EPB41L5: variants seen among roughly 807,000 people sequenced by gnomAD.
EPB41L5 encodes erythrocyte membrane protein band 4.1 like 5.
In EPB41L5, 55 loss-of-function variants were observed where a neutral mutation model predicts 106.6. That is an observed-to-expected ratio of 0.52 (90% CI 0.42 to 0.65). The LOEUF (loss-of-function observed/expected upper bound fraction) is 0.65. EPB41L5 is among the 30% of genes least tolerant of loss of function. EPB41L5 has a pLI of 0.00. For missense variants in EPB41L5, 871 were observed against 882.1 expected (o/e 0.99, Z 0.16); for synonymous variants, 297 against 306.7 (o/e 0.97, Z 0.33).
intron 3 of EPB41L5, among the ~76,000 whole-genome samples, chr2:120,057,715 A>G (rs1306151886): frequency 1.4e-5 from 2 of 147,140 alleles, no homozygotes; most frequent in Middle Eastern, 3.4e-3. Context: ...ATGGTAATAT[A>G]TTCTTTCTTG....
rs73948993 is a variant in EPB41L5, at chr2:120,029,797, C to T, written c.180+10533C>T. 5.1e-3 allele frequency among the ~76,000 whole-genome samples: 775 copies of T among 152,266 alleles called. 4 individuals carry two copies. Among genetic ancestry groups the T allele is most frequent in the African/African-American group, 0.018 (746 of 41,550 alleles). ...AAAACTATAGATAAAAATACTACCG[C>T]CTTTGTCATGCAGGCCTTGGAATCC... On this transcript the variant is annotated intron_variant, in intron 2 of 24. Coordinates refer to ENST00000263713, the MANE Select transcript of EPB41L5 (RefSeq NM_020909.4).
chr2:120,116,621 A>G (rs1468688158), intron 16 of EPB41L5, among the ~76,000 whole-genome samples: 2 of 152,114 alleles, frequency 1.3e-5, no homozygotes, highest in African/African-American at 4.8e-5. Flanking sequence ...TCCTAGACTC[A>G]AGTAATCTCA....
intron 16 of EPB41L5, among the ~76,000 whole-genome samples, chr2:120,126,587 G>GCCTTATATTGTCAAAAGTT (rs1685469326): frequency 6.6e-6 from 1 of 152,048 alleles, no homozygotes; most frequent in South Asian, 2.1e-4. Flanking sequence ...TTGTCAAAAA[G>GCCTTATATTGTCAAAAGTT]CCTTATATTG....
chr2:120,061,763 G>A (rs148424589), intron 3 of EPB41L5, among the ~76,000 whole-genome samples: 1 of 152,126 alleles, frequency 6.6e-6, no homozygotes, highest in African/African-American at 2.4e-5. Context: ...AAAGGGAAAC[G>A]TAGATAGCAT....
chr2:120,098,731 T>A (rs901539084), intron 14 of EPB41L5, among the ~76,000 whole-genome samples: 1 of 152,188 alleles, frequency 6.6e-6, no homozygotes, highest in Non-Finnish European at 1.5e-5. Context: ...CTTAAAAAAA[T>A]AGAATATAAA....
chr2:120,131,781 C>T lies in EPB41L5; in HGVS notation c.1599+66C>T. On this transcript the variant is annotated intron_variant, in intron 18 of 24. Transcript: ENST00000263713. ...AGAGCTCCCAGAAATATTTTCTTTC[C>T]AAAGACAGTACTTTCTTTTTTCTTT... 10 of 1,190,888 alleles carry T rather than the reference C, an allele frequency of 8.4e-6. No homozygotes were observed. In the East Asian group the frequency reaches 1.2e-4, roughly 14 times the overall value. The allele number at this position is 1,190,888 out of a possible 1,614,324, so 73.8% of individuals were successfully genotyped here.
intron 22 of EPB41L5, among the ~76,000 whole-genome samples, chr2:120,166,461 T>G (rs72841650): frequency 8.7e-4 from 68 of 78,266 alleles, no homozygotes; most frequent in East Asian, 1.3e-3. Flanking sequence ...ATTTTGTGGG[T>G]TTTTTTTTTT....
At chr2:120,172,612 T>C (rs1278790082) in intron 24 of EPB41L5, among the ~76,000 whole-genome samples, 2 of 152,218 alleles carry the variant, frequency 1.3e-5, no homozygotes, top group Non-Finnish European at 2.9e-5. Flanking sequence ...ATACTTTCCA[T>C]GTAGCCTTCC....
intron 10 of EPB41L5, among the ~76,000 whole-genome samples, chr2:120,081,641 T>G (rs1422217483): frequency 2.0e-5 from 3 of 152,332 alleles, no homozygotes; most frequent in African/African-American, 4.8e-5. Flanking sequence ...TCCAATTCTG[T>G]GAAGAAAGTC....
At chr2:120,135,580 G>A (rs981524566) in intron 18 of EPB41L5, among the ~76,000 whole-genome samples, 2 of 152,074 alleles carry the variant, frequency 1.3e-5, no homozygotes, top group Admixed American at 6.6e-5. Context: ...AAATGTCAGT[G>A]TTAAAGAATC....
chr2:120,030,531 C>A (rs1376985360), intron 2 of EPB41L5, among the ~76,000 whole-genome samples: 1 of 152,134 alleles, frequency 6.6e-6, no homozygotes, highest in Non-Finnish European at 1.5e-5. Context: ...TCCCCTCTTC[C>A]CAAGCCCCTA....
chr2:120,114,302 T>TA (rs1369263675), intron 16 of EPB41L5, among the ~76,000 whole-genome samples: 2 of 152,218 alleles, frequency 1.3e-5, no homozygotes, highest in African/African-American at 2.4e-5. Flanking sequence ...GTTTTCAACT[T>TA]ATGATGGTGT....
chr2:120,112,648 T>G (rs998975388), intron 16 of EPB41L5, among the ~76,000 whole-genome samples: 3 of 152,150 alleles, frequency 2.0e-5, no homozygotes, highest in African/African-American at 7.2e-5. Context: ...CAGGGACCTA[T>G]AGGAAAAGAA....
At chr2:120,162,216 C>T (rs2028148) in intron 21 of EPB41L5, among the ~76,000 whole-genome samples, 114,995 of 152,160 alleles carry the variant, frequency 0.76, 43,718 homozygotes, top group Middle Eastern at 0.81. Flanking sequence ...ACTAATTGCA[C>T]TGCAGCATAA....
chr2:120,077,341 T>C, intron 9 of EPB41L5, 25 bp downstream of exon 9: 1 of 1,583,832 alleles, frequency 6.3e-7, no homozygotes, highest in Non-Finnish European at 8.6e-7. Flanking sequence ...GTGATGCTTT[T>C]TTAAAAATTT....
rs1683408350 is a variant in EPB41L5, at chr2:120,091,501, G to A, written c.1044-54G>A. ...TGAATGTGGACTGTCTTATTTGTGTGTGTTTATTACTGTAGACCTAAAATT... is the reference window on the plus strand; with the variant it reads ...TGAATGTGGACTGTCTTATTTGTGTATGTTTATTACTGTAGACCTAAAATT... On this transcript the variant is annotated intron_variant, in intron 12 of 24. Coordinates refer to ENST00000263713, the MANE Select transcript of EPB41L5 (RefSeq NM_020909.4). 5 of 1,214,934 alleles carry A rather than the reference G, an allele frequency of 4.1e-6. No individual in the cohort carries two copies. The Admixed American group carries it at 7.2e-5, about 17-fold the overall frequency. 75.3% of individuals were successfully genotyped at this position (1,214,934 alleles called of 1,614,324 possible).
intron 3 of EPB41L5, among the ~76,000 whole-genome samples, chr2:120,066,235 C>T (rs1681434601): frequency 6.6e-6 from 1 of 151,448 alleles, no homozygotes. Context: ...GTGGAGTAAG[C>T]GGATAATATA....
intron 20 of EPB41L5, among the ~76,000 whole-genome samples, chr2:120,147,129 C>G (rs1171793647): frequency 6.6e-6 from 1 of 152,136 alleles, no homozygotes; most frequent in Non-Finnish European, 1.5e-5. Flanking sequence ...AGGAGGATCA[C>G]TTGAGGCCAG....
chr2:120,127,982 C>A, intron 17 of EPB41L5, 131 bp downstream of exon 17: 1 of 755,272 alleles, frequency 1.3e-6, no homozygotes, highest in Non-Finnish European at 1.9e-6. Flanking sequence ...AAGAGTTATG[C>A]CCTCTTGCCT....
Sources: gnomAD v4.1 joint callset for allele counts (sites outside exome capture counted in the v4.1 genomes callset) on GRCh38, gnomAD v4.1.1 for gene constraint, MANE v1.5 for transcripts, NCBI Gene and HGNC (gene_info 2026-07-23, HGNC 2026-07-21) for gene names.